The following ABCC9 variants were observed in gnomAD, a reference collection of about 807,000 sequenced individuals.
The protein encoded by ABCC9 is ATP binding cassette subfamily C member 9.
Under a neutral mutation model 188.3 loss-of-function variants are expected in ABCC9, and 95 were observed. The ratio of observed to expected loss-of-function variants is 0.50; its 90% CI spans 0.43 to 0.60. The LOEUF (loss-of-function observed/expected upper bound fraction) is 0.60. Ranked by LOEUF, ABCC9 falls within the 20% of genes least tolerant of loss-of-function variation. The probability of loss-of-function intolerance (pLI) is 0.00; values close to 1 mark genes in which losing one functional copy is unlikely to be tolerated. For missense variants in ABCC9, 1,102 were observed against 1,876.3 expected (o/e 0.59, Z 7.62); for synonymous variants, 659 against 652.7 (o/e 1.01, Z -0.15).
rs550741938 is a variant in ABCC9, at chr12:21,890,103, G to A, written c.1803-2169C>T. On this transcript the variant is annotated intron_variant, in intron 14 of 39. Coordinates refer to ENST00000261200, the MANE Select transcript of ABCC9 (RefSeq NM_020297.4). ...TGATGAAATAATAAATGGGTAATAC[G>A]AAAAGCATTTTCTATTCATACGAGG... Among the ~76,000 whole-genome samples, 45 of 152,214 alleles carry A rather than the reference G, an allele frequency of 3.0e-4. No individual in the cohort carries two copies. In the East Asian group the frequency reaches 3.5e-3, roughly 12 times the overall value.
chr12:21,803,423 C>T (rs183714560), intron 39 of ABCC9, among the ~76,000 whole-genome samples: 67 of 151,914 alleles, frequency 4.4e-4, no homozygotes, highest in East Asian at 2.1e-3. Context: ...TTTGGGAGGG[C>T]GAGGCGGGCG....
intron 12 of ABCC9, 70 bp from the exon 13 acceptor site, chr12:21,895,385 A>G (rs550106803): frequency 3.7e-6 from 5 of 1,339,424 alleles, no homozygotes; most frequent in Admixed American, 1.7e-5. Flanking sequence ...TTAATCATCT[A>G]TTATTGCTTT....
At chr12:21,894,206 C>A in intron 13 of ABCC9, 32 bp from the exon 14 acceptor site, 1 of 1,613,644 alleles carries the variant, frequency 6.2e-7, no homozygotes. Context: ...TTAGAGAAAG[C>A]TGGAAAAAGT....
intron 18 of ABCC9, among the ~76,000 whole-genome samples, chr12:21,865,179 T>C (rs1945720499): frequency 6.6e-6 from 1 of 152,106 alleles, no homozygotes; most frequent in African/African-American, 2.4e-5. Context: ...AGACGTGAAT[T>C]CAATAACCAT....
chr12:21,804,090 A>T (rs988854379), intron 39 of ABCC9, among the ~76,000 whole-genome samples: 23 of 152,170 alleles, frequency 1.5e-4, no homozygotes, highest in African/African-American at 5.5e-4. Context: ...TTCTTCCATG[A>T]CAGCTTCATG....
chr12:21,926,937 C>A (rs1001151521), intron 4 of ABCC9, among the ~76,000 whole-genome samples: 4 of 152,106 alleles, frequency 2.6e-5, no homozygotes, highest in African/African-American at 9.7e-5. Flanking sequence ...TTGCTTTTCT[C>A]AAATTACTTG....
intron 19 of ABCC9, 103 bp from the exon 20 acceptor site, chr12:21,863,157 T>C: frequency 1.3e-6 from 1 of 778,978 alleles, no homozygotes; most frequent in Non-Finnish European, 2.1e-6. Context: ...GTAAACTATC[T>C]CAGATACAGA....
chr12:21,894,227 C>G lies in ABCC9; in HGVS notation c.1660-53G>C, dbSNP rs905485392. 22 of 1,594,802 alleles carry G rather than the reference C, an allele frequency of 1.4e-5. No individual in the cohort carries two copies. In the African/African-American group the frequency reaches 2.6e-4, roughly 19 times the overall value. On this transcript the variant is annotated intron_variant, in intron 13 of 39. Coordinates refer to ENST00000261200, the MANE Select transcript of ABCC9 (RefSeq NM_020297.4). ...AAAGCTGGAAAAAGTGTCACACATG[C>G]GTACATTCAGTCCTAGAAACCTAAC... is the stretch of plus-strand genomic sequence containing the variant.
intron 12 of ABCC9, among the ~76,000 whole-genome samples, chr12:21,905,589 T>C (rs1200069582): frequency 6.6e-6 from 1 of 151,988 alleles, no homozygotes; most frequent in Non-Finnish European, 1.5e-5. Flanking sequence ...AAAAGCGAGA[T>C]ATTTTGTGGC....
Position 21,875,690 on chromosome 12 carries a change from C to G in ABCC9, c.2056G>C (p.Ala686Pro). The G allele has an allele frequency of 6.2e-7, 1 of 1,612,900 alleles. No individual in the cohort carries two copies. Among genetic ancestry groups the G allele is most frequent in the Non-Finnish European group, 8.5e-7 (1 of 1,178,994 alleles). Residue 686 changes from alanine to proline, a missense_variant, in exon 17 of 40, where the codon GCT becomes CCT. By Grantham distance (27) the Ala-to-Pro change is conservative (BLOSUM62 -1). Transcript: ENST00000261200. Reference sequence around the variant, plus strand: ...CGAATATCTATATTGGATAATGTAGCTAAACCACTGCCCCATGAAAAGTAT... The same window carrying G: ...CGAATATCTATATTGGATAATGTAGGTAAACCACTGCCCCATGAAAAGTAT... ...NGYFSWGSGLATLSNIDIRIP... is the reference protein window; with the variant it reads ...NGYFSWGSGLPTLSNIDIRIP...
rs541591107 is a variant in ABCC9 at position 21,867,409 on chromosome 12, G to C, written c.2199-2932C>G. Among the ~76,000 whole-genome samples, 24 of 152,146 alleles carry C rather than the reference G, an allele frequency of 1.6e-4. No homozygotes were observed. The South Asian group carries it at 4.8e-3, about 30-fold the overall frequency. On this transcript the variant is annotated intron_variant, in intron 18 of 39. Coordinates refer to ENST00000261200, the MANE Select transcript of ABCC9 (RefSeq NM_020297.4). ...ATAGAAAATCCCCTTCTAGAAAACA[G>C]AATAAAGTTTCACTTCTGAAAACCT... is the stretch of plus-strand genomic sequence containing the variant.
chr12:21,852,301 T>A (rs1220048188), intron 23 of ABCC9, 67 bp downstream of exon 23: 1 of 1,612,598 alleles, frequency 6.2e-7, no homozygotes, highest in Non-Finnish European at 8.5e-7. Context: ...TCAGAAAGCA[T>A]TTTTTACTGT....
chr12:21,832,377 A>G (rs1222150686), intron 30 of ABCC9, among the ~76,000 whole-genome samples: 2 of 152,150 alleles, frequency 1.3e-5, no homozygotes, highest in Non-Finnish European at 2.9e-5. Flanking sequence ...AAAGAAAGGA[A>G]CAGATGGATG....
intron 31 of ABCC9, among the ~76,000 whole-genome samples, chr12:21,822,271 A>T (rs1216096866): frequency 6.6e-6 from 1 of 151,568 alleles, no homozygotes; most frequent in Admixed American, 6.6e-5. Context: ...TACTAACTAG[A>T]TACTTTCCAG....
intron 39 of ABCC9, 49 bp from the exon 40 acceptor site, chr12:21,801,230 G>T (rs916376725): frequency 6.2e-7 from 1 of 1,608,712 alleles, no homozygotes; most frequent in South Asian, 1.1e-5. Context: ...CAGGGCACAC[G>T]CCAAAACAAT....
chr12:21,854,669 C>T (rs192785485), intron 22 of ABCC9, among the ~76,000 whole-genome samples: 5 of 152,282 alleles, frequency 3.3e-5, no homozygotes, highest in African/African-American at 1.2e-4. Flanking sequence ...TTTTCAAAAT[C>T]ATCACAGACA....
chr12:21,841,718 A>G (rs1037439364), intron 29 of ABCC9, among the ~76,000 whole-genome samples: 2 of 151,970 alleles, frequency 1.3e-5, no homozygotes, highest in Non-Finnish European at 2.9e-5. Flanking sequence ...GGAGTGAAAA[A>G]TTTGTCAGTC....
chr12:21,810,307 A>C (rs1942145221), intron 36 of ABCC9, among the ~76,000 whole-genome samples: 1 of 152,194 alleles, frequency 6.6e-6, no homozygotes. Context: ...CTACATACAT[A>C]CATCTCTATG....
intron 11 of ABCC9, 39 bp downstream of exon 11, chr12:21,908,038 C>T: frequency 3.1e-6 from 5 of 1,601,612 alleles, no homozygotes; most frequent in Non-Finnish European, 4.3e-6. Flanking sequence ...AACAGCATTT[C>T]TCATTTTTGT....
Sources: gnomAD v4.1 joint callset for allele counts (sites outside exome capture counted in the v4.1 genomes callset) on GRCh38, gnomAD v4.1.1 for gene constraint, MANE v1.5 for transcripts, NCBI Gene and HGNC (gene_info 2026-07-23, HGNC 2026-07-21) for gene names.